The following BRAT1 variants were observed in gnomAD, a reference collection of about 807,000 sequenced individuals.
BRAT1 encodes the protein BRCA1 associated ATM activator 1, also known as integrator complex assembly factor BRAT1.
In BRAT1, 74 loss-of-function variants were observed where a neutral mutation model predicts 70.6. The observed-to-expected ratio is 1.05, with a 90% CI of 0.87 to 1.27. BRAT1 has a LOEUF of 1.27. Ranked by LOEUF, BRAT1 falls within the 50% of genes most tolerant of loss-of-function variation. The pLI, the probability that BRAT1 is intolerant of heterozygous loss-of-function variation, is 0.00. For missense variants in BRAT1, 1,203 were observed against 1,098.2 expected (o/e 1.10, Z -1.35); for synonymous variants, 615 against 517.1 (o/e 1.19, Z -2.57).
At chr7:2,552,099 TATATATA>T (rs1336212323) in intron 2 of BRAT1, among the ~76,000 whole-genome samples, 6 of 16,580 alleles carry the variant, frequency 3.6e-4, no homozygotes, top group Non-Finnish European at 6.4e-4. Context: ...TATATATATA[TATATATA>T]TTTTTTTTTT....
intron 2 of BRAT1, among the ~76,000 whole-genome samples, chr7:2,553,992 C>T (rs1033191756): frequency 1.3e-5 from 2 of 152,158 alleles, no homozygotes; most frequent in African/African-American, 4.8e-5. Context: ...GTCTTAAACA[C>T]ACTAAATACA....
chr7:2,547,623 A>G, intron 2 of BRAT1, 145 bp from the exon 3 acceptor site: 1 of 819,016 alleles, frequency 1.2e-6, no homozygotes, highest in Non-Finnish European at 1.9e-6. Context: ...AATATCTGCA[A>G]CAAATACGGC....
At chr7:2,553,842 C>T (rs750004310) in intron 2 of BRAT1, among the ~76,000 whole-genome samples, 3 of 150,800 alleles carry the variant, frequency 2.0e-5, no homozygotes, top group Admixed American at 6.6e-5. Flanking sequence ...GATGACGTCT[C>T]GCTATGTTGG....
At position 2,539,823 on chromosome 7, in the gene BRAT1, G is replaced by C. The variant is rs906327946; in HGVS notation, c.1461C>G (p.Cys487Trp). The C allele has an allele frequency of 6.2e-7, 1 of 1,611,314 alleles. No homozygotes were observed. Among genetic ancestry groups the C allele is most frequent in the Non-Finnish European group, 8.5e-7 (1 of 1,178,964 alleles). The change falls in exon 11 of 14, where the codon TGC becomes TGG. Residue 487 changes from cysteine (C) to tryptophan (W), a missense_variant. Coordinates refer to ENST00000340611, the MANE Select transcript of BRAT1 (RefSeq NM_152743.4). ...WLLSSPKTPGCSDLGPLIPQF... is the reference protein window; with the variant it reads ...WLLSSPKTPGWSDLGPLIPQF... ...GCGGGATGAGGGGGCCGAGATCAGA[G>C]CAGCCGGGGGTCTTGGGTGAGCTCA...
Position 2,542,108 on chromosome 7 carries a change from T to G in BRAT1, c.1015+12A>C. 6.6e-7 allele frequency: 1 copy of G among 1,520,538 alleles called. No individual in the cohort carries two copies. Among genetic ancestry groups the G allele is most frequent in the Non-Finnish European group, 8.8e-7 (1 of 1,133,524 alleles). The allele number at this position is 1,520,538 out of a possible 1,614,324, so 94.2% of individuals were successfully genotyped here. ...CAGGTTCTGCCCTCCCAGCCCTTTC[T>G]AAGCAGCACACCTGGGGGTCCGGGG... On this transcript the variant is annotated intron_variant, in intron 7 of 13. Coordinates refer to ENST00000340611, the MANE Select transcript of BRAT1 (RefSeq NM_152743.4).
intron 2 of BRAT1, among the ~76,000 whole-genome samples, chr7:2,552,379 A>T (rs1311016225): frequency 3.3e-5 from 5 of 151,114 alleles, no homozygotes; most frequent in Admixed American, 2.0e-4. Context: ...CAGCCTCCCA[A>T]AGTGCTGGGA....
At position 2,539,172 on chromosome 7, in the gene BRAT1, C is replaced by T. The variant is rs1778940017; in HGVS notation, c.1770+7G>A. Reference sequence around the variant, plus strand: ...AGTTGCTGGCTGAGGAACCTGCCACCTCCTACCTGCCGGGCCTCTGCATGC... The same window carrying T: ...AGTTGCTGGCTGAGGAACCTGCCACTTCCTACCTGCCGGGCCTCTGCATGC... On this transcript the variant is annotated splice_region_variant and intron_variant, in intron 13 of 13. Transcript: ENST00000340611. 6.3e-7 allele frequency: 1 copy of T among 1,590,146 alleles called. No homozygotes were observed.
chr7:2,538,626 T>A lies in BRAT1; in HGVS notation c.1909A>T (p.Thr637Ser), dbSNP rs996224277. ...AAQDTEQFVA[T>S]VLQAASRDLD... ...TCTCGGCTCGCCGCCTGCAGCACAG[T>A]GGCCACGAACTGCTCCGTGTCCTGG... is the stretch of plus-strand genomic sequence containing the variant. The change falls in exon 14 of 14, where the codon ACT (threonine) becomes TCT (serine). Residue 637 changes from threonine (T) to serine (S), a missense_variant. Thr to Ser is a moderately conservative substitution (Grantham distance 58). Transcript: ENST00000340611. 1.9e-6 allele frequency: 3 copies of A among 1,598,116 alleles called. No homozygotes were observed. Among genetic ancestry groups the A allele is most frequent in the East Asian group, 2.2e-5 (1 of 44,838 alleles).
In BRAT1 at chr7:2,541,407, C is replaced by T. The variant is rs767393976; in HGVS notation, c.1212G>A (p.Ser404=). 6.3e-6 allele frequency: 10 copies of T among 1,598,298 alleles called. No homozygotes were observed. The highest frequency in any genetic ancestry group is 4.5e-5 in the East Asian group (2 of 44,364). The change falls in exon 9 of 14, where the codon TCG becomes TCA. Residue 404 remains serine (S), a synonymous_variant. Coordinates refer to ENST00000340611, the MANE Select transcript of BRAT1 (RefSeq NM_152743.4). ...CCCCCACACTGGAGGCAGGGGCAGC[C>T]GAGCCGTCACAGAGCCGCAGGACAG... ...TVTVLRLCDG[S]AAPASSVGGH...
In BRAT1 at chr7:2,541,479, C is replaced by G; in HGVS notation, c.1140G>C (p.Gln380His). 1 of 1,536,854 alleles carries G rather than the reference C, an allele frequency of 6.5e-7. No homozygotes were observed. The highest frequency in any genetic ancestry group is 8.8e-7 in the Non-Finnish European group (1 of 1,139,702). ...ACGCCTGGGGCCACGGTGAAGGGCGCTGGGGCTGCGAGGAAGAGGGCCGTC... is the reference window on the plus strand; with the variant it reads ...ACGCCTGGGGCCACGGTGAAGGGCGGTGGGGCTGCGAGGAAGAGGGCCGTC... ...AHLEELQPLP[Q>H]RPSPWPQASL... The change falls in exon 9 of 14, where the codon CAG becomes CAC. Residue 380 changes from glutamine (Q) to histidine (H), a missense_variant. Gln to His is a conservative substitution (Grantham distance 24). Coordinates refer to ENST00000340611, the MANE Select transcript of BRAT1 (RefSeq NM_152743.4).
intron 1 of BRAT1, among the ~76,000 whole-genome samples, chr7:2,555,254 C>T (rs757954608): frequency 3.3e-5 from 5 of 152,092 alleles, no homozygotes; most frequent in Non-Finnish European, 5.9e-5. Context: ...GGCTGCGTCC[C>T]GGGAAGAGGA....
rs1318932560 is a variant in BRAT1, at chr7:2,543,758, G to C, written c.635C>G (p.Pro212Arg). The C allele has an allele frequency of 1.2e-5, 20 of 1,606,556 alleles. No homozygotes were observed. The highest frequency in any genetic ancestry group is 1.6e-5 in the Non-Finnish European group (19 of 1,174,790). Residue 212 changes from proline (P) to arginine (R), a missense_variant, in exon 5 of 14, where the codon CCC (proline) becomes CGC (arginine). By Grantham distance (103) the Pro-to-Arg change is moderately radical. Transcript: ENST00000340611. This position sits in a 1 kb window ranked among gnomAD's most constrained non-coding sequence, Gnocchi z 5.5. Reference protein sequence around the residue: ...VEESLCSAATPKVTQALNVLT... With the variant: ...VEESLCSAATRKVTQALNVLT... ...GACGTTCAGGGCCTGAGTGACCTTG[G>C]GGGTGGCCGCGGAGCACAAGGACTC...
intron 2 of BRAT1, among the ~76,000 whole-genome samples, chr7:2,549,425 C>A (rs968728219): frequency 1.3e-5 from 2 of 151,924 alleles, no homozygotes; most frequent in Non-Finnish European, 2.9e-5. Context: ...TGCAGTGAGC[C>A]GTGATTACAC....
chr7:2,550,444 G>T (rs1314602926), intron 2 of BRAT1, among the ~76,000 whole-genome samples: 2 of 126,864 alleles, frequency 1.6e-5, no homozygotes, highest in East Asian at 2.2e-4. Context: ...CTCCAGCCTG[G>T]GCAATAGAGC....
In BRAT1 at chr7:2,543,799, G is replaced by A; in HGVS notation, c.594C>T (p.Ile198=). The A allele has an allele frequency of 6.2e-7, 1 of 1,612,816 alleles. No homozygotes were observed. Among genetic ancestry groups the A allele is most frequent in the Non-Finnish European group, 8.5e-7 (1 of 1,179,794 alleles). ...GGDWPACAQK[I]MDHVEESLCS... ...ACAAGGACTCTTCAACGTGATCCAT[G>A]ATCTTCTGGGCACACGCGGGCCAGT... Residue 198 remains isoleucine, a synonymous_variant, in exon 5 of 14, where the codon ATC becomes ATT. Transcript: ENST00000340611. The surrounding 1 kb of genome is among the most constrained non-coding windows in gnomAD (Gnocchi z 5.5).
At chr7:2,551,819 T>C (rs1780025216) in intron 2 of BRAT1, among the ~76,000 whole-genome samples, 4 of 151,490 alleles carry the variant, frequency 2.6e-5, no homozygotes, top group Non-Finnish European at 4.4e-5. Context: ...TATGTCTCAA[T>C]AAAAGTCTCA....
intron 2 of BRAT1, among the ~76,000 whole-genome samples, chr7:2,548,569 G>C (rs1001983357): frequency 6.6e-6 from 1 of 152,086 alleles, no homozygotes; most frequent in Non-Finnish European, 1.5e-5. Flanking sequence ...AGGAGGCTGA[G>C]ACGGGAGGAT....
chr7:2,555,482 C>G lies in BRAT1; in HGVS notation c.-17+5G>C, dbSNP rs1302697504. 1 of 152,298 alleles carries G rather than the reference C, an allele frequency of 6.6e-6. No homozygotes were observed. Among genetic ancestry groups the G allele is most frequent in the East Asian group, 1.9e-4 (1 of 5,170 alleles). 9.4% of individuals were successfully genotyped at this position (152,298 alleles called of 1,614,324 possible). A position where few individuals can be genotyped will look rare whatever the true frequency, so the allele number is the denominator to read the frequency against. On this transcript the variant is annotated splice_donor_5th_base_variant and intron_variant, in intron 1 of 13. Transcript: ENST00000340611. ...CCTCGACCCCCGAAGGCCCACGCGC[C>G]TCACCGCTCGGTTGCGTCCTCCGCC...
chr7:2,549,420 T>A (rs1779839286), intron 2 of BRAT1, among the ~76,000 whole-genome samples: 1 of 152,032 alleles, frequency 6.6e-6, no homozygotes, highest in Non-Finnish European at 1.5e-5. Flanking sequence ...AAGGCTGCAG[T>A]GAGCCGTGAT....
Sources: allele counts gnomAD v4.1 joint callset (sites outside exome capture counted in the v4.1 genomes callset), GRCh38; gene constraint gnomAD v4.1.1; non-coding constraint Gnocchi (gnomAD v3.1); transcripts MANE v1.5; gene names NCBI Gene and HGNC (gene_info 2026-07-23, HGNC 2026-07-21).